Variants in LRFN5 observed in about 807,000 individuals in gnomAD.
The protein encoded by LRFN5 is leucine-rich repeat and fibronectin type-III domain-containing protein 5.
Under a neutral mutation model 45.6 loss-of-function variants are expected in LRFN5, and 24 were observed. That is an observed-to-expected ratio of 0.53 (90% CI 0.38 to 0.74). The LOEUF is 0.74. Ranked by LOEUF, LRFN5 falls within the 30% of genes least tolerant of loss-of-function variation. The pLI, the probability that LRFN5 is intolerant of heterozygous loss-of-function variation, is 0.00. For synonymous variants in LRFN5, 340 were observed against 313.8 expected, an observed-to-expected ratio of 1.08 and a Z score of -0.88; for missense variants, 776 against 861.5, an observed-to-expected ratio of 0.90 and a Z score of 1.24.
chr14:41,773,953 T>G (rs1487243486), intron 2 of LRFN5, among the ~76,000 whole-genome samples: 1 of 152,206 alleles, frequency 6.6e-6, no homozygotes, highest in Admixed American at 6.5e-5. Flanking sequence ...TAGCTGGCAG[T>G]ACTTGATATA....
intron 1 of LRFN5, among the ~76,000 whole-genome samples, chr14:41,703,267 A>G (rs1418092132): frequency 6.6e-6 from 1 of 152,210 alleles, no homozygotes; most frequent in Non-Finnish European, 1.5e-5. Flanking sequence ...TAGCATGTGC[A>G]TATGTTATAA....
intron 3 of LRFN5, among the ~76,000 whole-genome samples, chr14:41,890,626 G>A (rs1890745506): frequency 6.6e-6 from 1 of 150,448 alleles, no homozygotes; most frequent in Non-Finnish European, 1.5e-5. Context: ...AGAATGGCGT[G>A]AACCCGGGAG....
intron 2 of LRFN5, among the ~76,000 whole-genome samples, chr14:41,880,930 C>T (rs913369785): frequency 6.6e-6 from 1 of 152,266 alleles, no homozygotes; most frequent in Admixed American, 6.5e-5. Flanking sequence ...ATAGCCACAT[C>T]AACTTTTTAT....
At chr14:41,869,899 C>T (rs1479201900) in intron 2 of LRFN5, among the ~76,000 whole-genome samples, 1 of 152,214 alleles carries the variant, frequency 6.6e-6, no homozygotes, top group African/African-American at 2.4e-5. Context: ...TGGGTGGGGA[C>T]ACAGCCAAAC....
At chr14:41,890,954 T>C (rs1201580017) in intron 3 of LRFN5, among the ~76,000 whole-genome samples, 1 of 152,160 alleles carries the variant, frequency 6.6e-6, no homozygotes, top group East Asian at 1.9e-4. Context: ...TCAAAAGTAA[T>C]TTGTCATCAA....
chr14:41,663,297 A>G (rs1321260861), intron 1 of LRFN5, among the ~76,000 whole-genome samples: 4 of 152,098 alleles, frequency 2.6e-5, no homozygotes, highest in African/African-American at 9.7e-5. Flanking sequence ...TCCTTGTCAG[A>G]GAGGACTCAC....
chr14:41,891,792 A>C lies in LRFN5; in HGVS notation c.1928A>C (p.Gln643Pro). 6.2e-7 allele frequency: 1 copy of C among 1,614,192 alleles called. No individual in the cohort carries two copies. Among genetic ancestry groups the C allele is most frequent in the Non-Finnish European group, 8.5e-7 (1 of 1,180,038 alleles). ...TCAAGCACTTCTGTGTCCCAAAAGC[A>C]GAAAAGAAAGACTGGCACAAAGCCA... ...WTSSTSVSQK[Q>P]KRKTGTKPST... Residue 643 changes from glutamine (Q) to proline (P), a missense_variant, in exon 4 of 6, where the codon CAG becomes CCG. Gln to Pro is a moderately conservative substitution (Grantham distance 76). Transcript: ENST00000298119.
At chr14:41,759,018 TTA>T (rs1885534769) in intron 1 of LRFN5, among the ~76,000 whole-genome samples, 1 of 152,150 alleles carries the variant, frequency 6.6e-6, no homozygotes, top group South Asian at 2.1e-4. Context: ...ATTATTCATA[TTA>T]TATTCCTGGA....
At chr14:41,686,380 G>A (rs1337036149) in intron 1 of LRFN5, among the ~76,000 whole-genome samples, 1 of 151,910 alleles carries the variant, frequency 6.6e-6, no homozygotes, top group African/African-American at 2.4e-5. Flanking sequence ...ATACGATGGG[G>A]TTTTCTAAAT....
intron 1 of LRFN5, among the ~76,000 whole-genome samples, chr14:41,730,589 G>A (rs1294498398): frequency 6.6e-6 from 1 of 151,800 alleles, no homozygotes; most frequent in Non-Finnish European, 1.5e-5. Context: ...AAAAGGCATA[G>A]ATAATATCAG....
chr14:41,717,309 T>C (rs1322297555), intron 1 of LRFN5, among the ~76,000 whole-genome samples: 5 of 152,186 alleles, frequency 3.3e-5, no homozygotes, highest in Non-Finnish European at 5.9e-5. Flanking sequence ...AGAGTAGGCT[T>C]GGATGGATCA....
chr14:41,686,391 A>G (rs188509751), intron 1 of LRFN5, among the ~76,000 whole-genome samples: 2 of 152,206 alleles, frequency 1.3e-5, no homozygotes, highest in African/African-American at 4.8e-5. Flanking sequence ...TTTTCTAAAT[A>G]TAAAATATTG....
chr14:41,834,718 G>T (rs922717799), intron 2 of LRFN5, among the ~76,000 whole-genome samples: 14 of 151,844 alleles, frequency 9.2e-5, no homozygotes, highest in Non-Finnish European at 1.9e-4. Context: ...CTGGAGTGCA[G>T]TGGCACAATC....
chr14:41,787,065 G>A (rs2138933490), intron 2 of LRFN5, among the ~76,000 whole-genome samples: 1 of 152,064 alleles, frequency 6.6e-6, no homozygotes, highest in East Asian at 1.9e-4. Context: ...CATCTTTAAA[G>A]CTATTTTAAT....
intron 2 of LRFN5, among the ~76,000 whole-genome samples, chr14:41,787,128 G>A (rs1204757699): frequency 1.4e-5 from 2 of 147,022 alleles, no homozygotes; most frequent in African/African-American, 2.5e-5. Context: ...TCTATTGATT[G>A]ACTTTTTCTG....
At chr14:41,839,928 C>T (rs1888801211) in intron 2 of LRFN5, among the ~76,000 whole-genome samples, 1 of 152,094 alleles carries the variant, frequency 6.6e-6, no homozygotes, top group Non-Finnish European at 1.5e-5. Context: ...GACAGGCATG[C>T]TGTTTGTACT....
intron 1 of LRFN5, among the ~76,000 whole-genome samples, chr14:41,644,864 A>G (rs1594577199): frequency 6.6e-6 from 1 of 152,318 alleles, no homozygotes; most frequent in Admixed American, 6.5e-5. Flanking sequence ...ACAAGATCAG[A>G]GAATCTTTAA....
intron 1 of LRFN5, among the ~76,000 whole-genome samples, chr14:41,707,365 C>A (rs1229454448): frequency 6.6e-6 from 1 of 152,098 alleles, no homozygotes; most frequent in Non-Finnish European, 1.5e-5. Flanking sequence ...GTTAAGAATT[C>A]TTCCCAAGTC....
chr14:41,705,716 C>T (rs1344257541), intron 1 of LRFN5, among the ~76,000 whole-genome samples: 1 of 152,134 alleles, frequency 6.6e-6, no homozygotes, highest in African/African-American at 2.4e-5. Context: ...TCATTATGCT[C>T]ATATGTCATT....
Sources: allele counts gnomAD v4.1 joint callset (sites outside exome capture counted in the v4.1 genomes callset), GRCh38; gene constraint gnomAD v4.1.1; transcripts MANE v1.5; gene names NCBI Gene and HGNC (gene_info 2026-07-23, HGNC 2026-07-21).